The following STX8 variants were observed in gnomAD, a reference collection of about 807,000 sequenced individuals.
STX8 encodes syntaxin-8.
In STX8, 23 loss-of-function variants were observed where a neutral mutation model predicts 37.5. That is an observed-to-expected ratio of 0.61 (90% confidence interval 0.44 to 0.87). STX8 has a LOEUF of 0.87. Among genes scored for constraint, STX8 ranks in the 40% least tolerant of loss-of-function variants. The pLI is 0.00. For synonymous variants in STX8, 115 were observed against 99.1 expected, an observed-to-expected ratio of 1.16 and a Z score of -0.95; for missense variants, 313 against 284.7, an observed-to-expected ratio of 1.10 and a Z score of -0.71.
At chr17:9,454,677 CAAA>C (rs71135986) in intron 6 of STX8, among the ~76,000 whole-genome samples, 1 of 128,918 alleles carries the variant, frequency 7.8e-6, no homozygotes, top group Non-Finnish European at 1.6e-5. Flanking sequence ...GAGACTGTCT[CAAA>C]AAAAAAAAAA....
chr17:9,524,227 G>C (rs144753389), intron 4 of STX8, among the ~76,000 whole-genome samples: 1 of 152,212 alleles, frequency 6.6e-6, no homozygotes, highest in Non-Finnish European at 1.5e-5. Context: ...CCCACTTGCG[G>C]TATCAATTTC....
At chr17:9,297,039 C>G (rs1354646643) in intron 7 of STX8, among the ~76,000 whole-genome samples, 1 of 152,102 alleles carries the variant, frequency 6.6e-6, no homozygotes, top group African/African-American at 2.4e-5. Context: ...ATAACAGCAT[C>G]TGTTCATACA....
At chr17:9,355,848 C>T (rs2142252070) in intron 7 of STX8, among the ~76,000 whole-genome samples, 1 of 152,122 alleles carries the variant, frequency 6.6e-6, no homozygotes, top group Non-Finnish European at 1.5e-5. Flanking sequence ...GACAGGGTCT[C>T]GCTATTTTGA....
In STX8 at chr17:9,535,526, G is replaced by A. The variant is rs571291017; in HGVS notation, c.323+9646C>T. ...CGGCTCACTGCAAGCTCCACCTTCCGGGTTCACACCATTCTCCTGCCTCAG... is the reference window on the plus strand; with the variant it reads ...CGGCTCACTGCAAGCTCCACCTTCCAGGTTCACACCATTCTCCTGCCTCAG... On this transcript the variant is annotated intron_variant, in intron 4 of 7. Transcript: ENST00000306357. 7.3e-5 allele frequency among the ~76,000 whole-genome samples: 10 copies of A among 136,202 alleles called. No individual in the cohort carries two copies. In the East Asian group the frequency reaches 9.4e-4, roughly 13 times the overall value. 89.4% of individuals were successfully genotyped at this position (136,202 alleles called of 152,430 possible).
At chr17:9,257,608 G>A (rs148584090) in intron 7 of STX8, among the ~76,000 whole-genome samples, 13 of 152,284 alleles carry the variant, frequency 8.5e-5, no homozygotes, top group Admixed American at 6.5e-4. Flanking sequence ...GGTGAAGGGC[G>A]CTTTATCCAG....
chr17:9,307,788 T>G (rs554508275), intron 7 of STX8, among the ~76,000 whole-genome samples: 1 of 152,194 alleles, frequency 6.6e-6, no homozygotes, highest in African/African-American at 2.4e-5. Flanking sequence ...ATCCTCCTGT[T>G]TCCTGCCCCT....
intron 7 of STX8, among the ~76,000 whole-genome samples, chr17:9,368,141 A>C (rs1272029297): frequency 6.6e-6 from 1 of 152,230 alleles, no homozygotes; most frequent in East Asian, 1.9e-4. Context: ...TTTCCCTAAA[A>C]ATTCTACTTA....
chr17:9,355,861 A>G lies in STX8; in HGVS notation c.643+22691T>C, dbSNP rs549092231. Among the ~76,000 whole-genome samples, 3 of 152,062 alleles carry G rather than the reference A, an allele frequency of 2.0e-5. No homozygotes were observed. The East Asian group carries it at 5.8e-4, about 30-fold the overall frequency. Reference sequence around the variant, plus strand: ...GAGACAGGGTCTCGCTATTTTGACTAGGCTGGTCTTGAACTCCTGGGGTCT... The same window carrying G: ...GAGACAGGGTCTCGCTATTTTGACTGGGCTGGTCTTGAACTCCTGGGGTCT... On this transcript the variant is annotated intron_variant, in intron 7 of 7. Coordinates refer to ENST00000306357, the MANE Select transcript of STX8 (RefSeq NM_004853.3).
intron 7 of STX8, among the ~76,000 whole-genome samples, chr17:9,259,635 C>T (rs899872045): frequency 1.3e-5 from 2 of 152,132 alleles, no homozygotes; most frequent in East Asian, 1.9e-4. Flanking sequence ...ATGCTGGCGG[C>T]GGTCAGCAGG....
intron 7 of STX8, among the ~76,000 whole-genome samples, chr17:9,295,604 G>A (rs546048586): frequency 1.9e-4 from 29 of 151,966 alleles, no homozygotes; most frequent in African/African-American, 7.0e-4. Flanking sequence ...TTAGCTGGGC[G>A]TGGTGGCAGG....
chr17:9,423,401 C>T (rs1913514217), intron 6 of STX8, among the ~76,000 whole-genome samples: 1 of 152,232 alleles, frequency 6.6e-6, no homozygotes, highest in Admixed American at 6.5e-5. Flanking sequence ...TCTCAGCTCA[C>T]TGCAACCTCT....
intron 7 of STX8, chr17:9,283,059 G>A (rs1342569829): frequency 2.0e-5 from 3 of 151,952 alleles, no homozygotes; most frequent in Admixed American, 6.6e-5. Flanking sequence ...GATTCCAGGG[G>A]ACAAGAGAGC....
intron 7 of STX8, among the ~76,000 whole-genome samples, chr17:9,298,500 G>C (rs1487073058): frequency 6.6e-6 from 1 of 152,052 alleles, no homozygotes; most frequent in Non-Finnish European, 1.5e-5. Flanking sequence ...ATGTACTTCT[G>C]TTATTCCACT....
Position 9,433,490 on chromosome 17 carries a change from C to A in STX8, c.542-54837G>T, listed in dbSNP as rs554210295. Among the ~76,000 whole-genome samples the A allele has an allele frequency of 2.0e-5, 3 of 152,268 alleles. No homozygotes were observed. The South Asian group carries it at 6.2e-4, about 32-fold the overall frequency. ...GCATCCATTCATTCTTTCATTCAGT[C>A]AAAAACTACCTATTGGCCCTACTGG... On this transcript the variant is annotated intron_variant, in intron 6 of 7. Coordinates refer to ENST00000306357, the MANE Select transcript of STX8 (RefSeq NM_004853.3).
chr17:9,286,938 C>CT (rs1409305895), intron 7 of STX8, among the ~76,000 whole-genome samples: 2 of 152,030 alleles, frequency 1.3e-5, no homozygotes, highest in Non-Finnish European at 2.9e-5. Context: ...GTCTTTGCCT[C>CT]TTGTCTGTGA....
chr17:9,300,128 T>C (rs529459856), intron 7 of STX8, among the ~76,000 whole-genome samples: 4 of 152,222 alleles, frequency 2.6e-5, no homozygotes, highest in Admixed American at 2.0e-4. Flanking sequence ...GGTTGGGGGT[T>C]CGAGACCAGC....
At chr17:9,314,311 G>A (rs539197129) in intron 7 of STX8, among the ~76,000 whole-genome samples, 6 of 152,282 alleles carry the variant, frequency 3.9e-5, no homozygotes, top group African/African-American at 1.4e-4. Context: ...TTCTAAAAAT[G>A]CTCATAATTC....
chr17:9,484,708 TC>T (rs1312304276), intron 6 of STX8, among the ~76,000 whole-genome samples: 2 of 149,618 alleles, frequency 1.3e-5, no homozygotes, highest in Non-Finnish European at 3.0e-5. Flanking sequence ...GTGCCCGTAA[TC>T]CCAGCTACTC....
chr17:9,337,071 TGCC>T lies in STX8; in HGVS notation c.643+41478_643+41480del, dbSNP rs1014369324. Among the ~76,000 whole-genome samples, 135 of 152,246 alleles carry T rather than the reference TGCC, an allele frequency of 8.9e-4. 1 individual carries two copies. Among genetic ancestry groups the T allele is most frequent in the African/African-American group, 3.2e-3 (131 of 41,538 alleles). ...ACACGTCAGAAAAACTCTCAGACAATGCCTAAGAGGATTGGAAAGAAATTTCTA... is the reference window on the plus strand; with the variant it reads ...ACACGTCAGAAAAACTCTCAGACAATTAAGAGGATTGGAAAGAAATTTCTA... On this transcript the variant is annotated intron_variant, in intron 7 of 7. Transcript: ENST00000306357.
Sources: gnomAD v4.1 joint callset for allele counts (sites outside exome capture counted in the v4.1 genomes callset) on GRCh38, gnomAD v4.1.1 for gene constraint, MANE v1.5 for transcripts, NCBI Gene and HGNC (gene_info 2026-07-23, HGNC 2026-07-21) for gene names.